STYK1: variants seen among roughly 807,000 people sequenced by gnomAD.
The protein encoded by STYK1 is STY kinase 1, also known as tyrosine-protein kinase STYK1.
In STYK1, 46 loss-of-function variants were observed where a neutral mutation model predicts 48.1. The observed-to-expected ratio is 0.96, with a 90% confidence interval of 0.75 to 1.22. STYK1 has a LOEUF of 1.22. Ranked by LOEUF, STYK1 falls within the 50% of genes most tolerant of loss-of-function variation. The probability of loss-of-function intolerance (pLI) is 0.00; values close to 1 mark genes in which losing one functional copy is unlikely to be tolerated. For missense variants in STYK1, 527 were observed against 521.1 expected, an observed-to-expected ratio of 1.01 and a Z score of -0.11; for synonymous variants, 188 against 189.0, an observed-to-expected ratio of 0.99 and a Z score of 0.04.
At chr12:10,630,909 C>T (rs1947419405) in intron 5 of STYK1, 136 bp downstream of exon 5, 2 of 1,143,500 alleles carry the variant, frequency 1.7e-6, no homozygotes, top group South Asian at 3.7e-5. Flanking sequence ...ACATTTCTGC[C>T]TCAAGTTTCC....
chr12:10,632,060 A>T (rs1947434986), intron 4 of STYK1, among the ~76,000 whole-genome samples: 1 of 152,106 alleles, frequency 6.6e-6, no homozygotes, highest in Non-Finnish European at 1.5e-5. Context: ...AAAATAAAAG[A>T]TGGAGAAAAA....
At chr12:10,635,057 T>C (rs1404345351) in intron 2 of STYK1, among the ~76,000 whole-genome samples, 1 of 152,338 alleles carries the variant, frequency 6.6e-6, no homozygotes, top group East Asian at 1.9e-4. Flanking sequence ...GGGCATGATC[T>C]ACCTCCCCTA....
rs1294559586 is a variant in STYK1 at position 10,663,530 on chromosome 12, C to T, written c.-195+10436G>A. Among the ~76,000 whole-genome samples, 6 of 128,892 alleles carry T rather than the reference C, an allele frequency of 4.7e-5. No individual in the cohort carries two copies. The South Asian group carries it at 1.3e-3, about 29-fold the overall frequency. 84.6% of individuals were successfully genotyped at this position (128,892 alleles called of 152,430 possible). A position where few individuals can be genotyped will look rare whatever the true frequency, so the allele number is the denominator to read the frequency against. On this transcript the variant is annotated intron_variant, in intron 1 of 10. Coordinates refer to ENST00000075503, the MANE Select transcript of STYK1 (RefSeq NM_018423.3). ...AGGAGAATGGCGTGAACCTGGGAGG[C>T]GGAGCTTGCAGTGAGCCGAGATGGC...
intron 1 of STYK1, among the ~76,000 whole-genome samples, chr12:10,651,486 C>T (rs553740974): frequency 3.7e-4 from 57 of 152,200 alleles, no homozygotes; most frequent in African/African-American, 1.3e-3. Context: ...ACACAAAGAG[C>T]CATTGTAATA....
chr12:10,653,414 C>A (rs753304056), intron 1 of STYK1, among the ~76,000 whole-genome samples: 2 of 151,988 alleles, frequency 1.3e-5, no homozygotes, highest in Non-Finnish European at 2.9e-5. Context: ...ACAATCAGTA[C>A]AAATACAAGA....
intron 1 of STYK1, among the ~76,000 whole-genome samples, chr12:10,664,881 T>C (rs11608603): frequency 0.18 from 27,515 of 152,230 alleles, 3,127 homozygotes; most frequent in Middle Eastern, 0.25. Flanking sequence ...CCCATTTTTG[T>C]AATAGGAAAT....
chr12:10,633,102 A>T (rs2120653190), intron 4 of STYK1, among the ~76,000 whole-genome samples: 1 of 152,342 alleles, frequency 6.6e-6, no homozygotes, highest in Middle Eastern at 3.4e-3. Context: ...GCATTTAGGA[A>T]GTGGCTTTAG....
chr12:10,634,142 C>A lies in STYK1; in HGVS notation c.53-18G>T, dbSNP rs765719864. On this transcript the variant is annotated intron_variant, in intron 3 of 10. Coordinates refer to ENST00000075503, the MANE Select transcript of STYK1 (RefSeq NM_018423.3). ...CTGGATGACTGGGTAGGCGATCACA[C>A]AGGAAGAGAAGAGAATGAAGAAGCC... 6.6e-7 allele frequency: 1 copy of A among 1,516,044 alleles called. No homozygotes were observed. The highest frequency in any genetic ancestry group is 8.8e-7 in the Non-Finnish European group (1 of 1,135,730). 93.9% of individuals were successfully genotyped at this position (1,516,044 alleles called of 1,614,324 possible). A position where few individuals can be genotyped will look rare whatever the true frequency, so the allele number is the denominator to read the frequency against.
At chr12:10,663,856 T>C (rs573789280) in intron 1 of STYK1, among the ~76,000 whole-genome samples, 1 of 152,290 alleles carries the variant, frequency 6.6e-6, no homozygotes, top group East Asian at 1.9e-4. Context: ...CTATATGTCT[T>C]TCCATTCATT....
At chr12:10,660,981 T>C (rs1435601401) in intron 1 of STYK1, among the ~76,000 whole-genome samples, 1 of 152,134 alleles carries the variant, frequency 6.6e-6, no homozygotes, top group Non-Finnish European at 1.5e-5. Flanking sequence ...CCTTTCTTAG[T>C]AAGCTTACTT....
chr12:10,671,888 GA>G lies in STYK1; in HGVS notation c.-195+2077del, dbSNP rs573614060. The stretch of plus-strand genomic sequence containing the variant: ...CTCAACTAACTTGTGCATAATTAAA[GA>G]CATTAGTTGTTAAAGGGTTGAACTG... On this transcript the variant is annotated intron_variant, in intron 1 of 10. Transcript: ENST00000075503. Among the ~76,000 whole-genome samples the G allele has an allele frequency of 9.8e-3, 1,498 of 152,302 alleles. 24 individuals carry two copies. The highest frequency in any genetic ancestry group is 0.035 in the African/African-American group (1,436 of 41,556).
In STYK1 at chr12:10,649,498, T is replaced by A. The variant is rs530774668; in HGVS notation, c.-194-12302A>T. 2.0e-5 allele frequency among the ~76,000 whole-genome samples: 3 copies of A among 152,092 alleles called. No individual in the cohort carries two copies. The South Asian group carries it at 6.2e-4, about 32-fold the overall frequency. ...TTTAATGAGGTATATATGGCAAGAG[T>A]ACAATGAAATTGACTGGGAAAAACA... On this transcript the variant is annotated intron_variant, in intron 1 of 10. Coordinates refer to ENST00000075503, the MANE Select transcript of STYK1 (RefSeq NM_018423.3).
intron 1 of STYK1, among the ~76,000 whole-genome samples, chr12:10,641,057 T>C (rs1485359096): frequency 6.6e-6 from 1 of 152,138 alleles, no homozygotes; most frequent in Non-Finnish European, 1.5e-5. Flanking sequence ...AAATAGCATA[T>C]CTTAAATTAA....
chr12:10,629,354 TTA>T, intron 6 of STYK1, 137 bp downstream of exon 6: 2 of 847,840 alleles, frequency 2.4e-6, no homozygotes, highest in Non-Finnish European at 3.6e-6. Flanking sequence ...AAAAGTTCTA[TTA>T]TATGGTCATA....
rs140697418 is a variant in STYK1, at chr12:10,620,093, T to G, written c.*51A>C. ...AGACCATTCTCTGTTCTTAGAGGAA[T>G]TGATTCCAAGAACATATACTCATGC... On this transcript the variant is annotated 3_prime_UTR_variant, in exon 11 of 11. Transcript: ENST00000075503. The G allele has an allele frequency of 6.3e-7, 1 of 1,587,572 alleles. No individual in the cohort carries two copies. Among genetic ancestry groups the G allele is most frequent in the South Asian group, 1.1e-5 (1 of 90,498 alleles).
intron 9 of STYK1, among the ~76,000 whole-genome samples, chr12:10,622,217 A>G (rs1394804641): frequency 6.6e-6 from 1 of 152,200 alleles, no homozygotes; most frequent in East Asian, 1.9e-4. Context: ...AAAGTGATCA[A>G]ATAAGACAAA....
rs115379505 is a variant in STYK1, at chr12:10,631,536, G to C, written c.188-228C>G. 1.5e-3 allele frequency among the ~76,000 whole-genome samples: 226 copies of C among 152,238 alleles called. 1 individual carries two copies. The highest frequency in any genetic ancestry group is 5.2e-3 in the African/African-American group (214 of 41,542). Reference sequence around the variant, plus strand: ...AACTCAAGAAGGACCCCAGGAAATCGGTCATGACACTTCCTTTCTGCCTTC... The same window carrying C: ...AACTCAAGAAGGACCCCAGGAAATCCGTCATGACACTTCCTTTCTGCCTTC... On this transcript the variant is annotated intron_variant, in intron 4 of 10. Coordinates refer to ENST00000075503, the MANE Select transcript of STYK1 (RefSeq NM_018423.3).
intron 2 of STYK1, among the ~76,000 whole-genome samples, chr12:10,636,794 T>G (rs562413416): frequency 1.1e-4 from 16 of 152,234 alleles, no homozygotes; most frequent in Non-Finnish European, 2.9e-5. Flanking sequence ...CAGCACACTC[T>G]CTCTTACCAC....
chr12:10,639,781 C>A (rs189198115), intron 1 of STYK1, among the ~76,000 whole-genome samples: 4 of 152,248 alleles, frequency 2.6e-5, no homozygotes, highest in Admixed American at 2.6e-4. Context: ...ACTTACAAAC[C>A]CAATGTTCTT....
Sources: allele counts gnomAD v4.1 joint callset (sites outside exome capture counted in the v4.1 genomes callset), GRCh38; gene constraint gnomAD v4.1.1; transcripts MANE v1.5; gene names NCBI Gene and HGNC (gene_info 2026-07-23, HGNC 2026-07-21).